The following PGM2 variants were observed in gnomAD, a reference collection of about 807,000 sequenced individuals.
PGM2 encodes the protein phosphoglucomutase 2, also known as phosphopentomutase.
PGM2 carries 57 observed loss-of-function variants against 74.6 expected under a neutral mutation model. That is an observed-to-expected ratio of 0.76 (90% CI 0.62 to 0.95). The LOEUF (loss-of-function observed/expected upper bound fraction) is 0.95, where lower values mean the gene tolerates loss of function less well. Ranked by LOEUF, PGM2 falls within the 40% of genes least tolerant of loss-of-function variation. The probability of loss-of-function intolerance (pLI) is 0.00; values close to 1 mark genes in which losing one functional copy is unlikely to be tolerated. For synonymous variants in PGM2, 273 were observed against 260.7 expected (o/e 1.05, Z -0.46); for missense variants, 706 against 741.9 (o/e 0.95, Z 0.56).
intron 2 of PGM2, among the ~76,000 whole-genome samples, chr4:37,830,921 C>T (rs1490766068): frequency 1.3e-5 from 2 of 152,078 alleles, no homozygotes; most frequent in Admixed American, 1.3e-4. Flanking sequence ...GGGCCAGGCG[C>T]GATGGCTCAC....
chr4:37,853,299 A>G (rs6827984), intron 12 of PGM2, among the ~76,000 whole-genome samples: 80,278 of 149,820 alleles, frequency 0.54, 22,032 homozygotes, highest in Non-Finnish European at 0.61. Flanking sequence ...CGCCATGCCC[A>G]GCTAAGGTTT....
chr4:37,859,135 G>T (rs1296600370), intron 13 of PGM2, among the ~76,000 whole-genome samples: 1 of 152,098 alleles, frequency 6.6e-6, no homozygotes, highest in African/African-American at 2.4e-5. Context: ...TGCAATATTT[G>T]CTCTCTCACC....
At chr4:37,854,225 T>A (rs1195417223) in intron 12 of PGM2, among the ~76,000 whole-genome samples, 2 of 152,246 alleles carry the variant, frequency 1.3e-5, no homozygotes, top group African/African-American at 4.8e-5. Context: ...AAAGTACCTC[T>A]ATTTTAATGG....
rs1024097647 is a variant in PGM2 at position 37,855,883 on chromosome 4, G to A, written c.1736+142G>A. On this transcript the variant is annotated intron_variant, in intron 13 of 13. Coordinates refer to ENST00000381967, the MANE Select transcript of PGM2 (RefSeq NM_018290.4). ...GTTTCAGAACCTGCACTAATATTTTGGTATTAACAGTCAGTCTCAGCATCC... is the reference window on the plus strand; with the variant it reads ...GTTTCAGAACCTGCACTAATATTTTAGTATTAACAGTCAGTCTCAGCATCC... 3 of 636,612 alleles carry A rather than the reference G, an allele frequency of 4.7e-6. No individual in the cohort carries two copies. The East Asian group carries it at 9.6e-5, about 20-fold the overall frequency. The allele number at this position is 636,612 out of a possible 1,614,324, so 39.4% of individuals were successfully genotyped here.
intron 3 of PGM2, among the ~76,000 whole-genome samples, chr4:37,837,271 G>T (rs1037139794): frequency 1.6e-4 from 25 of 152,208 alleles, no homozygotes; most frequent in African/African-American, 6.0e-4. Context: ...CTAAGTGGCT[G>T]TTAGAACCGG....
At chr4:37,834,262 G>GT (rs1725506890) in intron 2 of PGM2, among the ~76,000 whole-genome samples, 1 of 151,886 alleles carries the variant, frequency 6.6e-6, no homozygotes, top group East Asian at 1.9e-4. Flanking sequence ...CTTAAACCCA[G>GT]GAATTCAAGG....
chr4:37,861,262 G>T (rs1049170760), intron 13 of PGM2, among the ~76,000 whole-genome samples: 2 of 152,162 alleles, frequency 1.3e-5, no homozygotes, highest in African/African-American at 4.8e-5. Flanking sequence ...AAGAGCAAAG[G>T]ATAACTTTGT....
intron 7 of PGM2, among the ~76,000 whole-genome samples, chr4:37,845,018 G>C (rs1725833152): frequency 6.6e-6 from 1 of 150,460 alleles, no homozygotes; most frequent in South Asian, 2.1e-4. Context: ...ATATTTGTTA[G>C]TCATTAATTT....
At chr4:37,836,599 T>A (rs1252422016) in intron 3 of PGM2, among the ~76,000 whole-genome samples, 1 of 152,178 alleles carries the variant, frequency 6.6e-6, no homozygotes, top group East Asian at 1.9e-4. Context: ...CAGAATAGTG[T>A]CGGCGAAGCT....
intron 13 of PGM2, among the ~76,000 whole-genome samples, chr4:37,856,309 T>C (rs1170634505): frequency 1.3e-5 from 2 of 152,088 alleles, no homozygotes; most frequent in Non-Finnish European, 2.9e-5. Flanking sequence ...GGTGTGAACC[T>C]GGTAGGCGGA....
chr4:37,861,489 T>C (rs1384886017), intron 13 of PGM2, 21 bp from the exon 14 acceptor site: 4 of 1,541,420 alleles, frequency 2.6e-6, no homozygotes, highest in Admixed American at 3.3e-5. Context: ...GACCTGGATT[T>C]TTTTCCCCCT....
At chr4:37,829,690 G>C (rs1488336056) in intron 1 of PGM2, among the ~76,000 whole-genome samples, 2 of 152,070 alleles carry the variant, frequency 1.3e-5, no homozygotes, top group East Asian at 1.9e-4. Context: ...TGGTATTCTG[G>C]GATTCCATTC....
In PGM2 at chr4:37,861,616, A is replaced by G; in HGVS notation, c.*4A>G. ...TCTGCAGCCAAAAGCAGACTAAAATAGTCCAGCCTTGGGTATACTTGCATT... is the reference window on the plus strand; with the variant it reads ...TCTGCAGCCAAAAGCAGACTAAAATGGTCCAGCCTTGGGTATACTTGCATT... On this transcript the variant is annotated 3_prime_UTR_variant, in exon 14 of 14. Transcript: ENST00000381967. 1 of 1,594,304 alleles carries G rather than the reference A, an allele frequency of 6.3e-7. No individual in the cohort carries two copies. The highest frequency in any genetic ancestry group is 8.6e-7 in the Non-Finnish European group (1 of 1,162,092).
At chr4:37,839,561 G>T in intron 4 of PGM2, 1 of 554,608 alleles carries the variant, frequency 1.8e-6, no homozygotes, top group Non-Finnish European at 3.4e-6. Context: ...GACCATCGTT[G>T]TGTTTGAAGA....
At chr4:37,841,871 T>A (rs893950782) in intron 6 of PGM2, among the ~76,000 whole-genome samples, 2 of 152,256 alleles carry the variant, frequency 1.3e-5, no homozygotes, top group Non-Finnish European at 2.9e-5. Context: ...TGTGCGCATG[T>A]GTATCCGTAA....
intron 12 of PGM2, among the ~76,000 whole-genome samples, chr4:37,855,065 A>G (rs1726157304): frequency 6.6e-6 from 1 of 152,162 alleles, no homozygotes; most frequent in African/African-American, 2.4e-5. Flanking sequence ...TCTCTTAGCA[A>G]TTTTCAAGTA....
At chr4:37,841,571 T>C (rs943838463) in intron 6 of PGM2, among the ~76,000 whole-genome samples, 1 of 152,230 alleles carries the variant, frequency 6.6e-6, no homozygotes, top group Non-Finnish European at 1.5e-5. Context: ...CATGAAAATA[T>C]AGGTCCCAGT....
chr4:37,835,796 A>G (rs1725554062), intron 3 of PGM2, among the ~76,000 whole-genome samples: 1 of 152,214 alleles, frequency 6.6e-6, no homozygotes, highest in African/African-American at 2.4e-5. Context: ...CCCCAGGTTC[A>G]ACTCAGGAGG....
intron 13 of PGM2, 69 bp from the exon 14 acceptor site, chr4:37,861,441 G>T (rs1711768599): frequency 1.0e-6 from 1 of 974,078 alleles, no homozygotes; most frequent in Admixed American, 1.7e-5. Flanking sequence ...CTTGGTCAAT[G>T]GGGGGAGCAT....
Sources: allele counts gnomAD v4.1 joint callset (sites outside exome capture counted in the v4.1 genomes callset), GRCh38; gene constraint gnomAD v4.1.1; transcripts MANE v1.5; gene names NCBI Gene and HGNC (gene_info 2026-07-23, HGNC 2026-07-21).